AXDND1: variants seen among roughly 807,000 people sequenced by gnomAD.
The protein encoded by AXDND1 is axonemal dynein light chain domain containing 1, also known as axonemal dynein light chain domain-containing protein 1.
Under a neutral mutation model 137.5 loss-of-function variants are expected in AXDND1, and 110 were observed. The observed-to-expected ratio is 0.80, with a 90% CI of 0.69 to 0.94. AXDND1 has a LOEUF of 0.94. Ranked by LOEUF, AXDND1 falls within the 40% of genes least tolerant of loss-of-function variation. AXDND1 has a pLI of 0.00. For synonymous variants in AXDND1, 414 were observed against 399.7 expected, an observed-to-expected ratio of 1.04 and a Z score of -0.43; for missense variants, 1,191 against 1,169.8, an observed-to-expected ratio of 1.02 and a Z score of -0.26.
intron 12 of AXDND1, among the ~76,000 whole-genome samples, chr1:179,427,262 A>G (rs889819754): frequency 6.6e-6 from 1 of 152,176 alleles, no homozygotes. Flanking sequence ...ACAGCAAACT[A>G]ATAAGACATT....
intron 17 of AXDND1, among the ~76,000 whole-genome samples, chr1:179,468,966 A>C (rs1663579701): frequency 6.7e-6 from 1 of 148,886 alleles, no homozygotes; most frequent in South Asian, 2.1e-4. Flanking sequence ...TCTTGCTCTT[A>C]TTTCCCAGGC....
chr1:179,522,464 C>A (rs559472385), intron 21 of AXDND1, among the ~76,000 whole-genome samples: 1 of 151,948 alleles, frequency 6.6e-6, no homozygotes, highest in Non-Finnish European at 1.5e-5. Context: ...ATGTTTATTA[C>A]AGCATAGTAT....
At chr1:179,368,235 T>C (rs1667665307) in intron 2 of AXDND1, among the ~76,000 whole-genome samples, 1 of 152,168 alleles carries the variant, frequency 6.6e-6, no homozygotes, top group Non-Finnish European at 1.5e-5. Flanking sequence ...AACACTCTTT[T>C]TACAGTTCCC....
At chr1:179,437,200 G>A (rs1367114764) in intron 15 of AXDND1, among the ~76,000 whole-genome samples, 1 of 152,090 alleles carries the variant, frequency 6.6e-6, no homozygotes, top group Non-Finnish European at 1.5e-5. Flanking sequence ...GAGTATATTT[G>A]GAAGAAGGGG....
intron 11 of AXDND1, among the ~76,000 whole-genome samples, chr1:179,407,159 T>C (rs1012301261): frequency 2.0e-5 from 3 of 152,176 alleles, no homozygotes; most frequent in Non-Finnish European, 4.4e-5. Flanking sequence ...GAAAGACTTC[T>C]TTTGTCCTTT....
At chr1:179,484,043 A>G (rs10798681) in intron 18 of AXDND1, among the ~76,000 whole-genome samples, 151,920 of 152,290 alleles carry the variant, frequency 1, 75,780 homozygotes, top group Middle Eastern at 1. Context: ...GGGCTAAAGG[A>G]GGAGGAAGCT....
intron 4 of AXDND1, 95 bp downstream of exon 4, chr1:179,370,173 C>T (rs1200914266): frequency 1.0e-6 from 1 of 953,802 alleles, no homozygotes; most frequent in African/African-American, 1.6e-5. Context: ...AGAAAAATCA[C>T]TGAATCATAG....
At chr1:179,398,128 T>G (rs1215589420) in intron 11 of AXDND1, among the ~76,000 whole-genome samples, 1 of 152,238 alleles carries the variant, frequency 6.6e-6, no homozygotes, top group African/African-American at 2.4e-5. Context: ...CTGATGTTTG[T>G]TTCATCTTTG....
At position 179,428,904 on chromosome 1, in the gene AXDND1, C is replaced by T. The variant is rs540633952; in HGVS notation, c.1231-614C>T. On this transcript the variant is annotated intron_variant, in intron 12 of 25. Coordinates refer to ENST00000367618, the MANE Select transcript of AXDND1 (RefSeq NM_144696.6). ...TAAATCTAGTTTACTTTCTGCCGGG[C>T]GTGGTGGCTCACGCCTGTAATCCCA... 1.9e-4 allele frequency among the ~76,000 whole-genome samples: 29 copies of T among 152,178 alleles called. No homozygotes were observed. In the South Asian group the frequency reaches 3.9e-3, roughly 21 times the overall value.
Position 179,509,327 on chromosome 1 carries a change from C to T in AXDND1, c.2420C>T (p.Ser807Phe). 1 of 1,612,576 alleles carries T rather than the reference C, an allele frequency of 6.2e-7. No individual in the cohort carries two copies. ...KECYEWINTC[S>F]CLLSNIKGRK... ...TGTTATGAATGGATCAACACATGCT[C>T]TTGCCTCCTTTCTAATATCAAAGGC... Residue 807 changes from serine to phenylalanine, a missense_variant, in exon 21 of 26, where the codon TCT (serine) becomes TTT (phenylalanine). Physicochemically the swap from Ser to Phe is radical, Grantham distance 155 (BLOSUM62 -2). Coordinates refer to ENST00000367618, the MANE Select transcript of AXDND1 (RefSeq NM_144696.6).
chr1:179,390,502 A>G (rs1452089563), intron 9 of AXDND1, among the ~76,000 whole-genome samples: 1 of 152,228 alleles, frequency 6.6e-6, no homozygotes, highest in Non-Finnish European at 1.5e-5. Flanking sequence ...AAATGGCTTT[A>G]TTCATGAATT....
intron 20 of AXDND1, among the ~76,000 whole-genome samples, chr1:179,501,902 T>G (rs1466069383): frequency 4.6e-5 from 7 of 152,048 alleles, no homozygotes; most frequent in Admixed American, 3.9e-4. Flanking sequence ...GTAGGAAAAT[T>G]TTTTTTAAGT....
chr1:179,486,139 A>AAAAAAAAAAAAATAAAAAAACT (rs149119239), intron 18 of AXDND1, among the ~76,000 whole-genome samples: 1 of 87,770 alleles, frequency 1.1e-5, no homozygotes, highest in South Asian at 5.2e-4. Flanking sequence ...AAAAAAAAAA[A>AAAAAAAAAAAAATAAAAAAACT]AACCTGATAG....
chr1:179,482,219 G>A (rs755771243), intron 17 of AXDND1, among the ~76,000 whole-genome samples: 2 of 147,750 alleles, frequency 1.4e-5, no homozygotes, highest in Non-Finnish European at 3.0e-5. Flanking sequence ...CACTCACACT[G>A]TCAGACCTGA....
At chr1:179,551,127 TTTTC>T (rs770227262) in intron 25 of AXDND1, 1 of 1,612,450 alleles carries the variant, frequency 6.2e-7, no homozygotes, top group East Asian at 2.2e-5. Context: ...GGCATGTGAC[TTTTC>T]TATGGCAGGC....
chr1:179,533,924 A>G, intron 24 of AXDND1, 47 bp downstream of exon 24: 1 of 1,547,016 alleles, frequency 6.5e-7, no homozygotes, highest in Non-Finnish European at 8.9e-7. Context: ...ATGGCTGGCC[A>G]GAAGGTTTGA....
At chr1:179,369,735 T>C (rs1667846272) in intron 3 of AXDND1, among the ~76,000 whole-genome samples, 2 of 152,244 alleles carry the variant, frequency 1.3e-5, no homozygotes, top group Non-Finnish European at 1.5e-5. Flanking sequence ...AGTATTTCCA[T>C]TGACCTGTTT....
In AXDND1 at chr1:179,379,597, C is replaced by T. The variant is rs1036706630; in HGVS notation, c.581+115C>T. On this transcript the variant is annotated intron_variant, in intron 6 of 25. Transcript: ENST00000367618. ...TCATCTGAGGTCAGGAGTTCAAGACCAGCCTGGTCAACATGGTGAAAGTCC... is the reference window on the plus strand; with the variant it reads ...TCATCTGAGGTCAGGAGTTCAAGACTAGCCTGGTCAACATGGTGAAAGTCC... 63 of 1,304,632 alleles carry T rather than the reference C, an allele frequency of 4.8e-5. No individual in the cohort carries two copies. The Middle Eastern group carries it at 1.2e-3, about 24-fold the overall frequency. The allele number at this position is 1,304,632 out of a possible 1,614,324, so 80.8% of individuals were successfully genotyped here.
intron 21 of AXDND1, among the ~76,000 whole-genome samples, chr1:179,517,339 G>A (rs973051269): frequency 1.3e-5 from 2 of 152,206 alleles, no homozygotes; most frequent in African/African-American, 4.8e-5. Flanking sequence ...CAGGCAGTGG[G>A]CAAGCAGGAC....
Sources: gnomAD v4.1 joint callset for allele counts (sites outside exome capture counted in the v4.1 genomes callset) on GRCh38, gnomAD v4.1.1 for gene constraint, MANE v1.5 for transcripts, NCBI Gene and HGNC (gene_info 2026-07-23, HGNC 2026-07-21) for gene names.